Variants in DYSF observed in about 807,000 individuals in gnomAD.
DYSF encodes the protein dysferlin.
A neutral mutation model predicts 274.9 loss-of-function variants in DYSF; 212 were observed. That is an observed-to-expected ratio of 0.77 (90% CI 0.69 to 0.86). The LOEUF (loss-of-function observed/expected upper bound fraction) is 0.86, where lower values mean the gene tolerates loss of function less well. DYSF is among the 40% of genes least tolerant of loss of function. DYSF has a pLI of 0.00. For missense variants in DYSF, 2,666 were observed against 2,783.2 expected (o/e 0.96, Z 0.95); for synonymous variants, 1,091 against 1,078.7 (o/e 1.01, Z -0.22).
chr2:71,536,689 C>T (rs76691136), intron 16 of DYSF, among the ~76,000 whole-genome samples: 2,107 of 152,280 alleles, frequency 0.014, 55 homozygotes, highest in African/African-American at 0.048. Context: ...CTGGTGGTTG[C>T]ATCTCTGGTT....
At chr2:71,630,129 C>G (rs227770) in intron 41 of DYSF, among the ~76,000 whole-genome samples, 137,912 of 152,286 alleles carry the variant, frequency 0.91, 62,512 homozygotes, top group Middle Eastern at 0.95. Flanking sequence ...AATACTGGGA[C>G]CTCAGTTAGA....
intron 50 of DYSF, 139 bp from the exon 51 acceptor site, chr2:71,669,466 A>T (rs1400560717): frequency 8.9e-7 from 1 of 1,125,782 alleles, no homozygotes; most frequent in Non-Finnish European, 1.3e-6. Flanking sequence ...CACATTTTGT[A>T]CATCGTGCCG....
chr2:71,621,617 ATG>A (rs36036060), intron 41 of DYSF, among the ~76,000 whole-genome samples: 106,810 of 149,770 alleles, frequency 0.71, 40,213 homozygotes, highest in East Asian at 0.87. Context: ...CCATATTTGT[ATG>A]TGTGTATATA....
Position 71,553,940 on chromosome 2 carries a change from A to G in DYSF, c.2109+9A>G. Reference sequence around the variant, plus strand: ...GGATTGCTGACCGGCTGGTGAGTGAAAACTTGCCCAAAGCTGCACATGCCT... The same window carrying G: ...GGATTGCTGACCGGCTGGTGAGTGAGAACTTGCCCAAAGCTGCACATGCCT... On this transcript the variant is annotated intron_variant, in intron 21 of 55. Transcript: ENST00000410020. The G allele has an allele frequency of 1.2e-6, 2 of 1,614,108 alleles. No individual in the cohort carries two copies. The highest frequency in any genetic ancestry group is 2.7e-5 in the African/African-American group (2 of 75,046).
At chr2:71,638,766 T>C (rs1478518136) in intron 41 of DYSF, among the ~76,000 whole-genome samples, 2 of 152,252 alleles carry the variant, frequency 1.3e-5, no homozygotes, top group Non-Finnish European at 2.9e-5. Context: ...ACCCTTTAGC[T>C]GTTATGAATA....
intron 17 of DYSF, chr2:71,549,299 T>C: frequency 6.3e-7 from 1 of 1,583,770 alleles, no homozygotes; most frequent in Non-Finnish European, 8.6e-7. Flanking sequence ...TAACCCGTCC[T>C]TCTCCCAGCC....
chr2:71,535,314 G>C lies in DYSF; in HGVS notation c.1493+3G>C. ...ATGAGGATTCGTATCATAGACTGGTGAGTTCTGAGTCTTGGAGTCTTTAGG... is the reference window on the plus strand; with the variant it reads ...ATGAGGATTCGTATCATAGACTGGTCAGTTCTGAGTCTTGGAGTCTTTAGG... On this transcript the variant is annotated splice_donor_region_variant and intron_variant, in intron 16 of 55. Transcript: ENST00000410020. 6.2e-7 allele frequency: 1 copy of C among 1,614,134 alleles called. No individual in the cohort carries two copies. Among genetic ancestry groups the C allele is most frequent in the Non-Finnish European group, 8.5e-7 (1 of 1,179,980 alleles).
At chr2:71,601,469 A>G (rs769729952) in intron 34 of DYSF, 30 bp from the exon 35 acceptor site, 125 of 1,614,098 alleles carry the variant, frequency 7.7e-5, no homozygotes, top group Non-Finnish European at 1.0e-4. Context: ...TGACAAGCAC[A>G]TGACCAGAGC....
chr2:71,609,651 C>T lies in DYSF; in HGVS notation c.3958-1594C>T, dbSNP rs113875258. On this transcript the variant is annotated intron_variant, in intron 36 of 55. Transcript: ENST00000410020. Reference sequence around the variant, plus strand: ...GAGTAATCTGTCCAAGGCCTAATGGCGAGGAGGTGGCAGAGCTGGAACTAG... The same window carrying T: ...GAGTAATCTGTCCAAGGCCTAATGGTGAGGAGGTGGCAGAGCTGGAACTAG... 3.8e-3 allele frequency among the ~76,000 whole-genome samples: 576 copies of T among 152,246 alleles called. 2 individuals are homozygous for T. The highest frequency in any genetic ancestry group is 0.013 in the African/African-American group (526 of 41,546).
chr2:71,570,246 TC>T lies in DYSF; in HGVS notation c.3000del (p.Lys1001ArgfsTer74), dbSNP rs763034810. ...YTDVNGEKVL[P>X]KDDIECPLGW... is the part of the protein sequence containing the mutation. ...GTCCTTAGAACGGGGAGAAGGTGCT[TC>T]CCAAGGATGACATTGAGTGCCCACT... On this transcript the variant is annotated frameshift_variant, in exon 28 of 56. Transcript: ENST00000410020. LOFTEE classifies it high-confidence loss of function. 3 of 1,614,138 alleles carry T rather than the reference TC, an allele frequency of 1.9e-6. No individual in the cohort carries two copies. Among genetic ancestry groups the T allele is most frequent in the Non-Finnish European group, 2.5e-6 (3 of 1,180,004 alleles).
chr2:71,528,259 ACAG>A (rs1272432112), intron 13 of DYSF, 36 bp from the exon 14 acceptor site: 1 of 1,571,392 alleles, frequency 6.4e-7, no homozygotes, highest in Admixed American at 1.7e-5. Flanking sequence ...TAGAGGAGAG[ACAG>A]CAGGCAGGCA....
At chr2:71,593,284 C>CA (rs2093323066) in intron 32 of DYSF, among the ~76,000 whole-genome samples, 1 of 152,048 alleles carries the variant, frequency 6.6e-6, no homozygotes, top group African/African-American at 2.4e-5. Context: ...AGGCACCCAC[C>CA]ACCATGCCCA....
chr2:71,551,044 AT>A lies in DYSF; in HGVS notation c.1581del (p.Asp527GlufsTer118). On this transcript the variant is annotated frameshift_variant, in exon 18 of 56. Coordinates refer to ENST00000410020, the MANE Select transcript of DYSF (RefSeq NM_001130987.2). LOFTEE classifies it high-confidence loss of function. ...ISAPGGEIEV[D>X]DYLGFLPTFG... ...GATTGCCACTTGTGTCTCCCAGTGG[AT>A]GACTACCTGGGCTTCCTCCCCACTT... 1 of 1,613,944 alleles carries A rather than the reference AT, an allele frequency of 6.2e-7. No individual in the cohort carries two copies. The highest frequency in any genetic ancestry group is 8.5e-7 in the Non-Finnish European group (1 of 1,179,868).
chr2:71,561,107 C>G (rs1166493094), intron 22 of DYSF, among the ~76,000 whole-genome samples: 1 of 152,100 alleles, frequency 6.6e-6, no homozygotes, highest in Admixed American at 6.5e-5. Flanking sequence ...GACCTCCTGT[C>G]TCTCAGGGCT....
rs377533029 is a variant in DYSF at position 71,553,791 on chromosome 2, C to T, written c.1985-16C>T. On this transcript the variant is annotated splice_polypyrimidine_tract_variant and intron_variant, in intron 20 of 55. Coordinates refer to ENST00000410020, the MANE Select transcript of DYSF (RefSeq NM_001130987.2). ...CCACTCCTGGCACAGCGCTCAGGCC[C>T]GTCTCTCCATTCCAGGGTGCCACTA... The T allele has an allele frequency of 1.7e-4, 272 of 1,606,624 alleles. No individual in the cohort carries two copies. Among genetic ancestry groups the T allele is most frequent in the Non-Finnish European group, 2.2e-4 (258 of 1,176,908 alleles).
chr2:71,683,815 G>A (rs2095325359), intron 55 of DYSF, among the ~76,000 whole-genome samples: 1 of 152,248 alleles, frequency 6.6e-6, no homozygotes, highest in Non-Finnish European at 1.5e-5. Flanking sequence ...GAGTCCTCCA[G>A]GAGGAGGAAA....
intron 30 of DYSF, among the ~76,000 whole-genome samples, chr2:71,582,208 C>T (rs1405939896): frequency 2.6e-5 from 4 of 151,720 alleles, no homozygotes; most frequent in African/African-American, 4.8e-5. Flanking sequence ...CAACAGCAGC[C>T]GAACAGTTGC....
At chr2:71,614,248 G>A (rs2093833888) in intron 40 of DYSF, among the ~76,000 whole-genome samples, 1 of 152,182 alleles carries the variant, frequency 6.6e-6, no homozygotes, top group South Asian at 2.1e-4. Context: ...TCCTCTCTGG[G>A]CTTTGCAAGA....
chr2:71,568,405 T>C, intron 26 of DYSF, 67 bp downstream of exon 26: 5 of 1,585,282 alleles, frequency 3.2e-6, no homozygotes, highest in Non-Finnish European at 4.3e-6. Flanking sequence ...TGCACCCTCC[T>C]TTTGGAGGCA....
Sources: gnomAD v4.1 joint callset for allele counts (sites outside exome capture counted in the v4.1 genomes callset) on GRCh38, gnomAD v4.1.1 for gene constraint, MANE v1.5 for transcripts, NCBI Gene and HGNC (gene_info 2026-07-23, HGNC 2026-07-21) for gene names.